Variants in CA8 observed in about 807,000 individuals in gnomAD.
The protein encoded by CA8 is carbonic anhydrase 8 (inactive), also known as carbonic anhydrase-related protein.
In CA8, 22 loss-of-function variants were observed where a neutral mutation model predicts 41.4. The observed-to-expected ratio is 0.53, with a 90% CI of 0.38 to 0.76. The LOEUF is 0.76. CA8 is among the 30% of genes least tolerant of loss of function. The pLI is 0.00. For synonymous variants in CA8, 121 were observed against 130.6 expected, an observed-to-expected ratio of 0.93 and a Z score of 0.50; for missense variants, 270 against 352.8, an observed-to-expected ratio of 0.77 and a Z score of 1.88.
intron 3 of CA8, among the ~76,000 whole-genome samples, chr8:60,258,001 A>T (rs10093008): frequency 0.51 from 76,992 of 152,068 alleles, 21,534 homozygotes; most frequent in African/African-American, 0.77. Flanking sequence ...AAAATTGCAG[A>T]AATAAACAGT....
intron 8 of CA8, among the ~76,000 whole-genome samples, chr8:60,201,528 T>A (rs929481541): frequency 6.6e-6 from 1 of 152,102 alleles, no homozygotes; most frequent in Non-Finnish European, 1.5e-5. Flanking sequence ...GCAGGCAGTA[T>A]CAGAACCTGC....
intron 3 of CA8, among the ~76,000 whole-genome samples, chr8:60,258,968 G>GA (rs1003754662): frequency 1.3e-5 from 2 of 152,016 alleles, no homozygotes; most frequent in African/African-American, 4.8e-5. Flanking sequence ...CGCCCATTTA[G>GA]AAAAAAAGTG....
chr8:60,281,270 G>T lies in CA8; in HGVS notation c.-123C>A, dbSNP rs553054879. 5 of 689,678 alleles carry T rather than the reference G, an allele frequency of 7.2e-6. No homozygotes were observed. The highest frequency in any genetic ancestry group is 5.4e-5 in the African/African-American group (3 of 55,306). The allele number at this position is 689,678 out of a possible 1,614,324, so 42.7% of individuals were successfully genotyped here. The stretch of plus-strand genomic sequence containing the variant: ...TGAGCACGCGTGAGCGGCAGTGTGA[G>T]TGCGAGAGCGCCTCCGGGTGTGAAC... On this transcript the variant is annotated 5_prime_UTR_variant, in exon 1 of 9. Coordinates refer to ENST00000317995, the MANE Select transcript of CA8 (RefSeq NM_004056.6).
chr8:60,243,988 T>C (rs534108035), intron 3 of CA8, among the ~76,000 whole-genome samples: 46 of 152,312 alleles, frequency 3.0e-4, no homozygotes, highest in Non-Finnish European at 4.3e-4. Context: ...ACCATATCCC[T>C]TTATTAAACT....
At chr8:60,238,113 T>C (rs1268736702) in intron 3 of CA8, among the ~76,000 whole-genome samples, 2 of 152,204 alleles carry the variant, frequency 1.3e-5, no homozygotes, top group Non-Finnish European at 2.9e-5. Flanking sequence ...AAAACGTTCA[T>C]CTTAATGCAC....
chr8:60,242,056 T>A (rs575659333), intron 3 of CA8, among the ~76,000 whole-genome samples: 7 of 152,320 alleles, frequency 4.6e-5, no homozygotes, highest in Non-Finnish European at 8.8e-5. Flanking sequence ...GTTCACTGCT[T>A]CTGGCACTGG....
At chr8:60,193,503 T>C (rs1806193974) in intron 8 of CA8, among the ~76,000 whole-genome samples, 1 of 152,196 alleles carries the variant, frequency 6.6e-6, no homozygotes, top group Non-Finnish European at 1.5e-5. Context: ...GGAAATAAAT[T>C]TGTGGTGGCT....
At chr8:60,248,497 A>T (rs1808329879) in intron 3 of CA8, among the ~76,000 whole-genome samples, 1 of 152,174 alleles carries the variant, frequency 6.6e-6, no homozygotes, top group South Asian at 2.1e-4. Flanking sequence ...AGCACCATTT[A>T]TTAAACAGGG....
At chr8:60,239,629 C>T (rs1807948898) in intron 3 of CA8, among the ~76,000 whole-genome samples, 1 of 152,152 alleles carries the variant, frequency 6.6e-6, no homozygotes, top group Non-Finnish European at 1.5e-5. Flanking sequence ...AGAAATGTGA[C>T]CTTGTAGAGT....
intron 8 of CA8, 87 bp from the exon 9 acceptor site, chr8:60,190,072 A>G (rs950509475): frequency 5.3e-5 from 8 of 152,076 alleles, no homozygotes; most frequent in Admixed American, 2.6e-4. Context: ...ACAGTACAAG[A>G]GATAGTAAAA....
chr8:60,277,308 A>G (rs973331430), intron 2 of CA8, among the ~76,000 whole-genome samples: 7 of 152,114 alleles, frequency 4.6e-5, no homozygotes, highest in African/African-American at 1.7e-4. Context: ...GGGGAAGAGC[A>G]GGGGATAACC....
intron 3 of CA8, among the ~76,000 whole-genome samples, chr8:60,258,270 T>G (rs977818752): frequency 1.3e-5 from 2 of 152,238 alleles, no homozygotes; most frequent in African/African-American, 2.4e-5. Context: ...TTATAATTGT[T>G]CTGTTTTAGT....
chr8:60,186,438 C>T lies in CA8; in HGVS notation c.*3583G>A, dbSNP rs112509544. On this transcript the variant is annotated 3_prime_UTR_variant, in exon 9 of 9. Transcript: ENST00000317995. ...AAATAATTAAAGCAATTGAAATATA[C>T]TAGAAAATATTCACCTAATTAAAAA... Among the ~76,000 whole-genome samples the T allele has an allele frequency of 1.3e-5, 2 of 149,058 alleles. No homozygotes were observed. Among genetic ancestry groups the T allele is most frequent in the African/African-American group, 4.9e-5 (2 of 40,554 alleles).
chr8:60,272,026 T>C (rs939387692), intron 2 of CA8, among the ~76,000 whole-genome samples: 4 of 152,174 alleles, frequency 2.6e-5, no homozygotes, highest in African/African-American at 9.7e-5. Flanking sequence ...CACCCTGGAA[T>C]GTGATGCTTG....
chr8:60,188,488 G>T lies in CA8; in HGVS notation c.*1533C>A, dbSNP rs192698478. On this transcript the variant is annotated 3_prime_UTR_variant, in exon 9 of 9. Coordinates refer to ENST00000317995, the MANE Select transcript of CA8 (RefSeq NM_004056.6). The stretch of plus-strand genomic sequence containing the variant: ...TAATTACAAATAAGGCTGCACGTGT[G>T]CAGCCAATGTTTGGCATGTGAGTGG... The T allele has an allele frequency of 6.6e-6, 1 of 152,174 alleles. No homozygotes were observed. The highest frequency in any genetic ancestry group is 1.5e-5 in the Non-Finnish European group (1 of 68,042). 9.4% of individuals were successfully genotyped at this position (152,174 alleles called of 1,614,324 possible). A position where few individuals can be genotyped will look rare whatever the true frequency, so the allele number is the denominator to read the frequency against.
At chr8:60,241,124 T>A (rs1808013039) in intron 3 of CA8, among the ~76,000 whole-genome samples, 1 of 152,250 alleles carries the variant, frequency 6.6e-6, no homozygotes, top group South Asian at 2.1e-4. Context: ...TAGTGTGTAT[T>A]ATTCTCAGAT....
Position 60,279,806 on chromosome 8 carries a change from C to T in CA8, c.175G>A (p.Ala59Thr). ...QSPINLNSRE[A>T]RYDPSLLDVR... ...TCCAACAGCGAGGGGTCATACCTAG[C>T]CTCTCTTGAGTTTAGGTTAATAGGA... Residue 59 changes from alanine (A) to threonine (T), a missense_variant, in exon 2 of 9, where the codon GCT becomes ACT. This residue lies in a region of CA8 where 123 missense variants were observed against 136.8 expected (regional missense o/e 0.90). Coordinates refer to ENST00000317995, the MANE Select transcript of CA8 (RefSeq NM_004056.6). 6.2e-7 allele frequency: 1 copy of T among 1,614,006 alleles called. No individual in the cohort carries two copies. Among genetic ancestry groups the T allele is most frequent in the Admixed American group, 1.7e-5 (1 of 60,014 alleles).
chr8:60,197,736 A>G (rs1450474715), intron 8 of CA8, among the ~76,000 whole-genome samples: 1 of 135,908 alleles, frequency 7.4e-6, no homozygotes, highest in Non-Finnish European at 1.6e-5. Flanking sequence ...TGAATATTCT[A>G]CCATGAACAT....
At chr8:60,277,458 A>T (rs1235632171) in intron 2 of CA8, among the ~76,000 whole-genome samples, 1 of 151,822 alleles carries the variant, frequency 6.6e-6, no homozygotes, top group Non-Finnish European at 1.5e-5. Context: ...GGTTCAAGTG[A>T]TTCTCCTGCC....
Sources: gnomAD v4.1 joint callset for allele counts (sites outside exome capture counted in the v4.1 genomes callset) on GRCh38, gnomAD v4.1.1 for gene constraint, gnomAD v4.1.1 regional missense constraint, MANE v1.5 for transcripts, NCBI Gene and HGNC (gene_info 2026-07-23, HGNC 2026-07-21) for gene names.